Variants in ZBTB38 observed in about 807,000 individuals in gnomAD.
ZBTB38 encodes zinc finger and BTB domain-containing protein 38.
In ZBTB38, 20 loss-of-function variants were observed where a neutral mutation model predicts 76.8. That is an observed-to-expected ratio of 0.26 (90% CI 0.18 to 0.38). ZBTB38 has a LOEUF of 0.38. Among genes scored for constraint, ZBTB38 ranks in the 10% least tolerant of loss-of-function variants. ZBTB38 has a pLI of 1.00. For missense variants in ZBTB38, 1,082 were observed against 1,482.3 expected (o/e 0.73, Z 4.43); for synonymous variants, 504 against 544.2 (o/e 0.93, Z 1.03).
At chr3:141,412,280 G>T (rs1956926892) in intron 5 of ZBTB38, among the ~76,000 whole-genome samples, 2 of 152,148 alleles carry the variant, frequency 1.3e-5, no homozygotes, top group South Asian at 2.1e-4. Context: ...CTTGTGAAAG[G>T]CAAGTGCCTC....
chr3:141,343,409 G>C (rs1238126551), intron 1 of ZBTB38, among the ~76,000 whole-genome samples: 1 of 152,112 alleles, frequency 6.6e-6, no homozygotes, highest in Non-Finnish European at 1.5e-5. Flanking sequence ...TGAGAGCCAG[G>C]GAGGTGGGGA....
chr3:141,375,666 C>T (rs775298187), intron 2 of ZBTB38, among the ~76,000 whole-genome samples: 3 of 152,172 alleles, frequency 2.0e-5, no homozygotes, highest in Non-Finnish European at 2.9e-5. Flanking sequence ...GAAACCAAGA[C>T]AGCGGAGCAG....
chr3:141,375,120 T>G (rs536713146), intron 2 of ZBTB38, among the ~76,000 whole-genome samples: 3 of 152,264 alleles, frequency 2.0e-5, no homozygotes, highest in Non-Finnish European at 4.4e-5. Context: ...TGAGCTAGTA[T>G]GTCTATGCCA....
At chr3:141,404,643 G>A (rs376438970) in intron 5 of ZBTB38, among the ~76,000 whole-genome samples, 23 of 152,294 alleles carry the variant, frequency 1.5e-4, no homozygotes, top group Admixed American at 2.6e-4. Context: ...GCATGTGTAC[G>A]CTAGGCAGTG....
intron 1 of ZBTB38, among the ~76,000 whole-genome samples, chr3:141,326,865 G>A (rs75405962): frequency 6.6e-6 from 1 of 152,282 alleles, no homozygotes; most frequent in East Asian, 1.9e-4. Context: ...AGTTAGGCCA[G>A]GCTCGTTTGT....
intron 5 of ZBTB38, among the ~76,000 whole-genome samples, chr3:141,407,623 A>C (rs147349254): frequency 7.4e-4 from 112 of 152,356 alleles, no homozygotes; most frequent in Middle Eastern, 6.8e-3. Flanking sequence ...GTGATCATCA[A>C]TTTAGTATGG....
chr3:141,387,372 T>C lies in ZBTB38; in HGVS notation c.-106+435T>C, dbSNP rs776603589. 25 of 152,216 alleles carry C rather than the reference T, an allele frequency of 1.6e-4. 1 individual carries two copies. Among genetic ancestry groups the C allele is most frequent in the Admixed American group, 7.9e-4 (12 of 15,286 alleles). 9.4% of individuals were successfully genotyped at this position (152,216 alleles called of 1,614,324 possible). A position where few individuals can be genotyped will look rare whatever the true frequency, so the allele number is the denominator to read the frequency against. On this transcript the variant is annotated intron_variant, in intron 4 of 5. Coordinates refer to ENST00000321464, the MANE Select transcript of ZBTB38 (RefSeq NM_001376113.1). ...CGTGCATTTGCTGTCTTTTAAATAA[T>C]GTATGTTGTATTGTTAATTAATGTG...
intron 1 of ZBTB38, among the ~76,000 whole-genome samples, chr3:141,331,331 C>G (rs1006629109): frequency 1.3e-5 from 2 of 152,202 alleles, no homozygotes; most frequent in Non-Finnish European, 2.9e-5. Flanking sequence ...CTCTAGGCAA[C>G]TACTGGACAA....
chr3:141,325,946 C>T (rs1942660267), intron 1 of ZBTB38, among the ~76,000 whole-genome samples: 1 of 151,994 alleles, frequency 6.6e-6, no homozygotes, highest in African/African-American at 2.4e-5. Context: ...GTTCAGAGTC[C>T]CACACTTCAG....
chr3:141,414,206 T>C (rs2073375908), intron 5 of ZBTB38, among the ~76,000 whole-genome samples: 1 of 152,188 alleles, frequency 6.6e-6, no homozygotes, highest in Non-Finnish European at 1.5e-5. Flanking sequence ...AGCAAGTGGT[T>C]AGATTGTGGC....
intron 1 of ZBTB38, among the ~76,000 whole-genome samples, chr3:141,340,927 A>AAAAAGAAAAGAAAAG (rs752742012): frequency 0.018 from 1,803 of 102,094 alleles, 145 homozygotes; most frequent in East Asian, 0.15. Flanking sequence ...AAGGAAAGGA[A>AAAAAGAAAAGAAAAG]AAAAGAAAAG....
intron 5 of ZBTB38, among the ~76,000 whole-genome samples, chr3:141,406,933 T>C (rs1954720376): frequency 6.6e-6 from 1 of 152,190 alleles, no homozygotes; most frequent in African/African-American, 2.4e-5. Context: ...GAATATTAAG[T>C]GGTTTAATTT....
At chr3:141,357,633 G>A (rs1260091880) in intron 1 of ZBTB38, among the ~76,000 whole-genome samples, 3 of 152,044 alleles carry the variant, frequency 2.0e-5, no homozygotes, top group South Asian at 2.1e-4. Flanking sequence ...GGGTTCAAGC[G>A]ATTCTCCTGC....
rs562000765 is a variant in ZBTB38 at position 141,443,728 on chromosome 3, C to T, written c.1340C>T (p.Thr447Met). ...AGTACCGGAAGTACTTTGCCAGACA[C>T]GGACCACATGGTTAAATTTGTTAAT... is the stretch of plus-strand genomic sequence containing the variant. ...FSSTGSTLPD[T>M]DHMVKFVNGQ... The change falls in exon 6 of 6, where the codon ACG becomes ATG. Residue 447 changes from threonine to methionine, a missense_variant. Physicochemically the swap from Thr to Met is moderately conservative, Grantham distance 81. Around this residue, in one of 8 missense-constraint regions of ZBTB38, gnomAD observed 324 missense variants for 359.1 expected, o/e 0.90. Coordinates refer to ENST00000321464, the MANE Select transcript of ZBTB38 (RefSeq NM_001376113.1). This position sits in a 1 kb window ranked among gnomAD's most constrained non-coding sequence, Gnocchi z 5.6. 1.3e-5 allele frequency: 21 copies of T among 1,613,848 alleles called. No individual in the cohort carries two copies. Among genetic ancestry groups the T allele is most frequent in the Middle Eastern group, 1.6e-4 (1 of 6,084 alleles).
chr3:141,359,145 G>C (rs1184479890), intron 1 of ZBTB38, among the ~76,000 whole-genome samples: 1 of 152,230 alleles, frequency 6.6e-6, no homozygotes, highest in Non-Finnish European at 1.5e-5. Flanking sequence ...GGACTTACCA[G>C]TGTTGCCAAG....
chr3:141,343,176 A>C lies in ZBTB38; in HGVS notation c.-739+18720A>C, dbSNP rs539725043. 1.6e-3 allele frequency among the ~76,000 whole-genome samples: 244 copies of C among 152,296 alleles called. 1 individual carries two copies. Among genetic ancestry groups the C allele is most frequent in the African/African-American group, 5.7e-3 (238 of 41,564 alleles). ...GGATCGGAGGAAGTTTAGGGCAAGG[A>C]AGTGAATGAATGGCAACAGGAAAGC... On this transcript the variant is annotated intron_variant, in intron 1 of 7. Coordinates refer to the ZBTB38 transcript ENST00000509842.
chr3:141,447,144 A>G lies in ZBTB38; in HGVS notation c.*1168A>G, dbSNP rs2081158591. ...TGGAGATTATGCAGCCCACAAGTAC[A>G]GACTAGTATAAAGCAAAAGGACAAA... On this transcript the variant is annotated 3_prime_UTR_variant, in exon 6 of 6. Transcript: ENST00000321464. 6.6e-6 allele frequency: 1 copy of G among 152,482 alleles called. No individual in the cohort carries two copies. Among genetic ancestry groups the G allele is most frequent in the African/African-American group, 2.4e-5 (1 of 41,448 alleles). The allele number at this position is 152,482 out of a possible 1,614,324, so 9.4% of individuals were successfully genotyped here.
chr3:141,340,596 A>G (rs1943143596), intron 1 of ZBTB38, among the ~76,000 whole-genome samples: 1 of 142,384 alleles, frequency 7.0e-6, no homozygotes, highest in Non-Finnish European at 1.5e-5. Flanking sequence ...CATTTCTCCA[A>G]AGAAAATATA....
chr3:141,361,365 G>A (rs1038781298), intron 1 of ZBTB38, among the ~76,000 whole-genome samples: 3 of 152,196 alleles, frequency 2.0e-5, no homozygotes, highest in Non-Finnish European at 4.4e-5. Flanking sequence ...CAGGCTGGGA[G>A]GTGGAAAATC....
Sources: allele counts gnomAD v4.1 joint callset (sites outside exome capture counted in the v4.1 genomes callset), GRCh38; gene constraint gnomAD v4.1.1; regional missense constraint gnomAD v4.1.1; non-coding constraint Gnocchi (gnomAD v3.1); transcripts MANE v1.5; gene names NCBI Gene and HGNC (gene_info 2026-07-23, HGNC 2026-07-21).